The following KDM4C variants were observed in gnomAD, a reference collection of about 807,000 sequenced individuals.
The protein encoded by KDM4C is lysine-specific demethylase 4C.
A neutral mutation model predicts 129.3 loss-of-function variants in KDM4C; 81 were observed. The observed-to-expected ratio is 0.63, with a 90% CI of 0.52 to 0.75. The LOEUF (loss-of-function observed/expected upper bound fraction) is 0.75. KDM4C is among the 30% of genes least tolerant of loss of function. The pLI, the probability that KDM4C is intolerant of heterozygous loss-of-function variation, is 0.00. For synonymous variants in KDM4C, 573 were observed against 456.1 expected, an observed-to-expected ratio of 1.26 and a Z score of -3.26; for missense variants, 1,457 against 1,304.0, an observed-to-expected ratio of 1.12 and a Z score of -1.81.
At chr9:6,939,481 C>A (rs890874007) in intron 8 of KDM4C, among the ~76,000 whole-genome samples, 2 of 152,108 alleles carry the variant, frequency 1.3e-5, no homozygotes, top group African/African-American at 4.8e-5. Context: ...ATAAATGTAA[C>A]ATGCTTAAAT....
chr9:6,761,339 C>CT (rs879372765), intron 1 of KDM4C, among the ~76,000 whole-genome samples: 56 of 145,872 alleles, frequency 3.8e-4, no homozygotes, highest in South Asian at 4.4e-4. Context: ...TCATCCTGTT[C>CT]TTTTTTTTTT....
intron 5 of KDM4C, among the ~76,000 whole-genome samples, chr9:6,872,275 G>A (rs146571865): frequency 6.6e-6 from 1 of 152,320 alleles, no homozygotes; most frequent in East Asian, 1.9e-4. Flanking sequence ...CTGGGAGATA[G>A]ACACAAGGTT....
intron 17 of KDM4C, among the ~76,000 whole-genome samples, chr9:7,098,307 T>A (rs1328006917): frequency 1.3e-5 from 2 of 152,246 alleles, no homozygotes; most frequent in Non-Finnish European, 2.9e-5. Context: ...TCCCTGCTAC[T>A]TGACTTTTCT....
intron 8 of KDM4C, among the ~76,000 whole-genome samples, chr9:6,952,429 AT>A (rs1320887802): frequency 4.1e-5 from 6 of 145,412 alleles, no homozygotes; most frequent in African/African-American, 1.0e-4. Context: ...ATATATATAT[AT>A]AATAATAATT....
intron 19 of KDM4C, among the ~76,000 whole-genome samples, chr9:7,151,564 A>G (rs568665506): frequency 4.6e-5 from 7 of 152,038 alleles, no homozygotes; most frequent in Non-Finnish European, 8.8e-5. Flanking sequence ...ATTCTCAGCT[A>G]TTTGGGAGGC....
At chr9:7,069,370 T>C (rs1832890789) in intron 17 of KDM4C, among the ~76,000 whole-genome samples, 1 of 152,222 alleles carries the variant, frequency 6.6e-6, no homozygotes, top group South Asian at 2.1e-4. Context: ...AGTTTATACA[T>C]GTTTATTTAA....
At chr9:7,133,216 C>CT (rs200725203) in intron 19 of KDM4C, among the ~76,000 whole-genome samples, 12 of 151,756 alleles carry the variant, frequency 7.9e-5, no homozygotes, top group Non-Finnish European at 1.6e-4. Context: ...GTATGTAGAA[C>CT]TTTTTTTTTC....
chr9:7,117,823 A>G (rs1014689546), intron 18 of KDM4C, among the ~76,000 whole-genome samples: 2 of 152,158 alleles, frequency 1.3e-5, no homozygotes, highest in African/African-American at 4.8e-5. Context: ...AGCAACAGTA[A>G]TGAAATTGGA....
chr9:6,722,613 A>G (rs1176653824), intron 1 of KDM4C, among the ~76,000 whole-genome samples: 1 of 151,568 alleles, frequency 6.6e-6, no homozygotes, highest in East Asian at 1.9e-4. Context: ...TCCCAGGTTC[A>G]AGTGATTCTC....
chr9:7,114,661 C>T (rs1452198932), intron 18 of KDM4C, among the ~76,000 whole-genome samples: 4 of 152,134 alleles, frequency 2.6e-5, no homozygotes, highest in Non-Finnish European at 5.9e-5. Flanking sequence ...TGGTTTTTAT[C>T]ACAAAAGCAG....
chr9:7,064,924 G>A (rs184204225), intron 17 of KDM4C, among the ~76,000 whole-genome samples: 1 of 152,282 alleles, frequency 6.6e-6, no homozygotes, highest in African/African-American at 2.4e-5. Context: ...ATAATCAAGT[G>A]AGACGACGTA....
intron 8 of KDM4C, among the ~76,000 whole-genome samples, chr9:6,979,877 A>T (rs1816462877): frequency 6.6e-6 from 1 of 152,082 alleles, no homozygotes; most frequent in African/African-American, 2.4e-5. Flanking sequence ...GAATAGAAGA[A>T]CTGTGGTATC....
At chr9:6,989,066 T>TA (rs1586739262) in intron 11 of KDM4C, among the ~76,000 whole-genome samples, 1 of 152,232 alleles carries the variant, frequency 6.6e-6, no homozygotes, top group East Asian at 1.9e-4. Flanking sequence ...ATGACAACGG[T>TA]ATGGTGCATA....
chr9:6,826,556 A>G (rs56723871), intron 4 of KDM4C, among the ~76,000 whole-genome samples: 2,689 of 152,268 alleles, frequency 0.018, 89 homozygotes, highest in African/African-American at 0.061. Flanking sequence ...ATGTTCTTCA[A>G]CAAGATGATT....
chr9:7,013,974 G>A lies in KDM4C; in HGVS notation c.2155G>A (p.Ala719Thr), dbSNP rs1198041546. ...TGGAACAAGTCTCCTTATTTCCTGTGCAAAGTGCTGCGTACGGGTTCATGC... is the reference window on the plus strand; with the variant it reads ...TGGAACAAGTCTCCTTATTTCCTGTACAAAGTGCTGCGTACGGGTTCATGC... ...EDGTSLLISC[A>T]KCCVRVHASC... is the part of the protein sequence containing the mutation. Residue 719 changes from alanine (A) to threonine (T), a missense_variant, in exon 14 of 22, where the codon GCA (alanine) becomes ACA (threonine). Physicochemically the swap from Ala to Thr is moderately conservative, Grantham distance 58. Transcript: ENST00000381309. 1 of 1,613,778 alleles carries A rather than the reference G, an allele frequency of 6.2e-7. No homozygotes were observed. The highest frequency in any genetic ancestry group is 1.1e-5 in the South Asian group (1 of 91,054).
At position 6,984,146 on chromosome 9, in the gene KDM4C, A is replaced by G; in HGVS notation, c.1116-20A>G. ...CCATTGCAGACATCCCGCTCTGACC[A>G]CTGCTTCTCTTGTTGACAGCTTCCA... is the stretch of plus-strand genomic sequence containing the variant. On this transcript the variant is annotated intron_variant, in intron 9 of 21. Coordinates refer to ENST00000381309, the MANE Select transcript of KDM4C (RefSeq NM_015061.6). 6.5e-7 allele frequency: 1 copy of G among 1,531,240 alleles called. No homozygotes were observed. Among genetic ancestry groups the G allele is most frequent in the South Asian group, 1.1e-5 (1 of 88,888 alleles). The allele number at this position is 1,531,240 out of a possible 1,614,324, so 94.9% of individuals were successfully genotyped here.
At chr9:7,153,080 G>A (rs755770889) in intron 19 of KDM4C, among the ~76,000 whole-genome samples, 7 of 152,042 alleles carry the variant, frequency 4.6e-5, no homozygotes, top group Non-Finnish European at 8.8e-5. Context: ...TAGAAGCTCA[G>A]AATTACTCAT....
Position 6,952,737 on chromosome 9 carries a change from G to T in KDM4C, c.922-28188G>T, listed in dbSNP as rs140310553. Among the ~76,000 whole-genome samples, 410 of 152,160 alleles carry T rather than the reference G, an allele frequency of 2.7e-3. 2 individuals carry two copies. The highest frequency in any genetic ancestry group is 9.4e-3 in the African/African-American group (390 of 41,500). ...ATTACAGGTGTGAGCCACTGTGCCC[G>T]GCCCCAGAGTATGTTTTAAAAGAAA... On this transcript the variant is annotated intron_variant, in intron 8 of 21. Coordinates refer to ENST00000381309, the MANE Select transcript of KDM4C (RefSeq NM_015061.6).
At position 6,941,370 on chromosome 9, in the gene KDM4C, GGTT is replaced by G. The variant is rs965937157; in HGVS notation, c.922-39551_922-39549del. On this transcript the variant is annotated intron_variant, in intron 8 of 21. Transcript: ENST00000381309. ...GTTTACATTTGCCCACTTTTAATGG[GGTT>G]GTTCTTTTCTTGTAAATTTGTTTCT... Among the ~76,000 whole-genome samples, 85 of 152,010 alleles carry G rather than the reference GGTT, an allele frequency of 5.6e-4. 1 individual carries two copies. Among genetic ancestry groups the G allele is most frequent in the African/African-American group, 2.0e-3 (83 of 41,450 alleles).
Sources: gnomAD v4.1 joint callset for allele counts (sites outside exome capture counted in the v4.1 genomes callset) on GRCh38, gnomAD v4.1.1 for gene constraint, MANE v1.5 for transcripts, NCBI Gene and HGNC (gene_info 2026-07-23, HGNC 2026-07-21) for gene names.